The following SYT10 variants were observed in gnomAD, a reference collection of about 807,000 sequenced individuals.
SYT10 encodes the protein synaptotagmin-10.
In SYT10, 31 loss-of-function variants were observed where a neutral mutation model predicts 51.1. That is an observed-to-expected ratio of 0.61 (90% CI 0.46 to 0.82). SYT10 has a LOEUF of 0.82. Among genes scored for constraint, SYT10 ranks in the 40% least tolerant of loss-of-function variants. SYT10 has a pLI of 0.00. For missense variants in SYT10, 603 were observed against 634.0 expected (o/e 0.95, Z 0.53); for synonymous variants, 233 against 225.9 (o/e 1.03, Z -0.28).
At chr12:33,380,309 G>A (rs1343997477) in intron 5 of SYT10, among the ~76,000 whole-genome samples, 3 of 152,124 alleles carry the variant, frequency 2.0e-5, no homozygotes, top group African/African-American at 7.2e-5. Flanking sequence ...TACAAGTGAT[G>A]TAAAACAAAT....
At chr12:33,413,095 CAAATTA>C (rs1471202287) in intron 2 of SYT10, among the ~76,000 whole-genome samples, 1 of 151,942 alleles carries the variant, frequency 6.6e-6, no homozygotes, top group Non-Finnish European at 1.5e-5. Flanking sequence ...GACTGAAGAT[CAAATTA>C]ATGAAATGAA....
At chr12:33,402,285 T>C (rs1300918786) in intron 3 of SYT10, among the ~76,000 whole-genome samples, 2 of 152,282 alleles carry the variant, frequency 1.3e-5, no homozygotes, top group African/African-American at 2.4e-5. Context: ...TCATTTCATA[T>C]TCACACTTTA....
intron 4 of SYT10, 77 bp from the exon 5 acceptor site, chr12:33,382,597 T>C: frequency 3.7e-6 from 5 of 1,357,262 alleles, no homozygotes; most frequent in Non-Finnish European, 4.9e-6. Flanking sequence ...TTATTTTTAC[T>C]AAATAAGACC....
Position 33,406,883 on chromosome 12 carries a change from T to C in SYT10, c.983A>G (p.Asp328Gly), listed in dbSNP as rs761826830. 1 of 1,614,106 alleles carries C rather than the reference T, an allele frequency of 6.2e-7. No homozygotes were observed. Among genetic ancestry groups the C allele is most frequent in the Non-Finnish European group, 8.5e-7 (1 of 1,180,020 alleles). Residue 328 changes from aspartate (D) to glycine (G), a missense_variant, in exon 3 of 7, where the codon GAC becomes GGC. Transcript: ENST00000228567. ...ATCAAGAATCACTTCCCCAATCATG[T>C]CATGTCTAGAAAATCTGTCAAAATC... ...VYDFDRFSRH[D>G]MIGEVILDNL...
rs374915425 is a variant in SYT10 at position 33,380,443 on chromosome 12, A to G, written c.1371-482T>C. 3.9e-5 allele frequency among the ~76,000 whole-genome samples: 6 copies of G among 152,318 alleles called. No individual in the cohort carries two copies. The East Asian group carries it at 9.6e-4, about 24-fold the overall frequency. ...ACCTCAGTGTGTTACCACTTGCATT[A>G]CAATTAAATAGGGCAGGATTATGTT... On this transcript the variant is annotated intron_variant, in intron 5 of 6. Coordinates refer to ENST00000228567, the MANE Select transcript of SYT10 (RefSeq NM_198992.4).
At chr12:33,386,402 G>A (rs1305465694) in intron 3 of SYT10, among the ~76,000 whole-genome samples, 1 of 152,004 alleles carries the variant, frequency 6.6e-6, no homozygotes, top group Non-Finnish European at 1.5e-5. Flanking sequence ...GTCTGATGCA[G>A]ACACAAATGT....
chr12:33,382,438 G>C lies in SYT10; in HGVS notation c.1281C>G (p.Asn427Lys), dbSNP rs796651369. Residue 427 changes from asparagine (N) to lysine (K), a missense_variant, in exon 5 of 7, where the codon AAC (asparagine) becomes AAG (lysine). By Grantham distance (94) the Asn-to-Lys change is moderately conservative (BLOSUM62 0). Transcript: ENST00000228567. ...RKTTTKKNTL[N>K]PVYNEAIIFD... The stretch of plus-strand genomic sequence containing the variant: ...AAATAATGGCCTCATTGTACACAGG[G>C]TTTAGAGTGTTTTTCTTTGTAGTTG... 1 of 1,613,358 alleles carries C rather than the reference G, an allele frequency of 6.2e-7. No homozygotes were observed. The highest frequency in any genetic ancestry group is 8.5e-7 in the Non-Finnish European group (1 of 1,179,604).
chr12:33,379,171 A>G (rs1381822144), intron 6 of SYT10, among the ~76,000 whole-genome samples: 1 of 152,060 alleles, frequency 6.6e-6, no homozygotes, highest in Non-Finnish European at 1.5e-5. Flanking sequence ...CTTAATATTC[A>G]TCATTTCTTT....
chr12:33,407,283 G>T lies in SYT10; in HGVS notation c.583C>A (p.Pro195Thr). ...GTTGTTTCTCCTCGTTGTAAAACAG[G>T]TTCTGTGCCCATGCTAAAATCAACA... is the stretch of plus-strand genomic sequence containing the variant. ...SSVDFSMGTE[P>T]VLQRGETTTS... is the part of the protein sequence containing the mutation. Residue 195 changes from proline to threonine, a missense_variant, in exon 3 of 7, where the codon CCT (proline) becomes ACT (threonine). By Grantham distance (38) the Pro-to-Thr change is conservative. Transcript: ENST00000228567. 6.2e-7 allele frequency: 1 copy of T among 1,612,966 alleles called. No individual in the cohort carries two copies. The highest frequency in any genetic ancestry group is 1.1e-5 in the South Asian group (1 of 91,080).
chr12:33,439,600 G>GCGCCC lies in SYT10; in HGVS notation c.-83_-79dup, dbSNP rs1779524483. On this transcript the variant is annotated 5_prime_UTR_variant, in exon 1 of 7. Coordinates refer to ENST00000228567, the MANE Select transcript of SYT10 (RefSeq NM_198992.4). Reference sequence around the variant, plus strand: ...TCTTCCCGTACCTCTAACCCCTCTGGCGCCCTAAGCCATAGTCCGCCCGCG... The same window carrying GCGCCC: ...TCTTCCCGTACCTCTAACCCCTCTGGCGCCCCGCCCTAAGCCATAGTCCGCCCGCG... 1 of 1,535,106 alleles carries GCGCCC rather than the reference G, an allele frequency of 6.5e-7. No homozygotes were observed. Among genetic ancestry groups the GCGCCC allele is most frequent in the African/African-American group, 1.4e-5 (1 of 73,202 alleles).
chr12:33,426,527 T>A, intron 1 of SYT10, 32 bp from the exon 2 acceptor site: 1 of 1,464,782 alleles, frequency 6.8e-7, no homozygotes, highest in Non-Finnish European at 9.1e-7. Flanking sequence ...AATGATTAAT[T>A]AATATTGTAC....
In SYT10 at chr12:33,401,123, T is replaced by C. The variant is rs538292770; in HGVS notation, c.1077+5666A>G. Reference sequence around the variant, plus strand: ...AACATAAAATGTATATAAAGCCACATGCTGCAAATCATTCTTTTTCTATAG... The same window carrying C: ...AACATAAAATGTATATAAAGCCACACGCTGCAAATCATTCTTTTTCTATAG... On this transcript the variant is annotated intron_variant, in intron 3 of 6. Transcript: ENST00000228567. Among the ~76,000 whole-genome samples, 3 of 152,298 alleles carry C rather than the reference T, an allele frequency of 2.0e-5. No individual in the cohort carries two copies. The Middle Eastern group carries it at 0.01, about 518-fold the overall frequency.
intron 5 of SYT10, among the ~76,000 whole-genome samples, chr12:33,381,953 T>C (rs77387213): frequency 0.023 from 3,541 of 152,298 alleles, 156 homozygotes; most frequent in African/African-American, 0.081. Flanking sequence ...AAAGTGATTA[T>C]GTAACATGTC....
At chr12:33,435,015 G>C (rs1039502697) in intron 1 of SYT10, among the ~76,000 whole-genome samples, 1 of 152,082 alleles carries the variant, frequency 6.6e-6, no homozygotes, top group Non-Finnish European at 1.5e-5. Context: ...CATTGGCATT[G>C]GAAATTACAT....
intron 6 of SYT10, among the ~76,000 whole-genome samples, chr12:33,378,504 T>C (rs182996515): frequency 1.9e-3 from 283 of 152,266 alleles, no homozygotes; most frequent in Non-Finnish European, 2.9e-3. Context: ...GTTGGAGACG[T>C]AGTGAACAGG....
chr12:33,399,282 G>C (rs1158784458), intron 3 of SYT10, among the ~76,000 whole-genome samples: 3 of 152,138 alleles, frequency 2.0e-5, no homozygotes, highest in Admixed American at 1.3e-4. Flanking sequence ...TGCTTACCCA[G>C]CAACTCTAGA....
chr12:33,383,513 G>A (rs11052669), intron 4 of SYT10, among the ~76,000 whole-genome samples: 32,056 of 152,108 alleles, frequency 0.21, 3,637 homozygotes, highest in South Asian at 0.29. Context: ...AATAGGGTAT[G>A]TAGAGGAAAA....
At position 33,382,530 on chromosome 12, in the gene SYT10, A is replaced by C. The variant is rs374690922; in HGVS notation, c.1199-10T>G. 28 of 1,574,616 alleles carry C rather than the reference A, an allele frequency of 1.8e-5. No homozygotes were observed. In the African/African-American group the frequency reaches 3.7e-4, roughly 21 times the overall value. On this transcript the variant is annotated splice_polypyrimidine_tract_variant and intron_variant, in intron 4 of 6. Coordinates refer to ENST00000228567, the MANE Select transcript of SYT10 (RefSeq NM_198992.4). The stretch of plus-strand genomic sequence containing the variant: ...ACTTTGACATAAGGATCTAGGAATA[A>C]GAAGATAACTTTATTAAAATAAAAG...
chr12:33,376,469 A>T lies in SYT10; in HGVS notation c.*361T>A, dbSNP rs570543159. 16 of 210,648 alleles carry T rather than the reference A, an allele frequency of 7.6e-5. No individual in the cohort carries two copies. The South Asian group carries it at 1.6e-3, about 21-fold the overall frequency. 13.0% of individuals were successfully genotyped at this position (210,648 alleles called of 1,614,324 possible). A position where few individuals can be genotyped will look rare whatever the true frequency, so the allele number is the denominator to read the frequency against. Reference sequence around the variant, plus strand: ...ACAAAATCAAACCCATACATATATGACATGTGCTACTTTATACAATAGCAG... The same window carrying T: ...ACAAAATCAAACCCATACATATATGTCATGTGCTACTTTATACAATAGCAG... On this transcript the variant is annotated 3_prime_UTR_variant, in exon 7 of 7. Coordinates refer to ENST00000228567, the MANE Select transcript of SYT10 (RefSeq NM_198992.4).
Sources: gnomAD v4.1 joint callset for allele counts (sites outside exome capture counted in the v4.1 genomes callset) on GRCh38, gnomAD v4.1.1 for gene constraint, MANE v1.5 for transcripts, NCBI Gene and HGNC (gene_info 2026-07-23, HGNC 2026-07-21) for gene names.